ATG16L2: variants seen among roughly 807,000 people sequenced by gnomAD.
ATG16L2 encodes the protein protein Atg16l2.
A neutral mutation model predicts 84.7 loss-of-function variants in ATG16L2; 77 were observed. The observed-to-expected ratio is 0.91, with a 90% CI of 0.76 to 1.10. The LOEUF is 1.10. Among genes scored for constraint, ATG16L2 ranks in the 50% least tolerant of loss-of-function variants. The pLI is 0.00. For synonymous variants in ATG16L2, 361 were observed against 342.8 expected (o/e 1.05, Z -0.59); for missense variants, 782 against 817.6 (o/e 0.96, Z 0.53).
rs1438304974 is a variant in ATG16L2, at chr11:72,829,573, CT to C, written c.*186del. On this transcript the variant is annotated 3_prime_UTR_variant, in exon 18 of 18. Coordinates refer to ENST00000321297, the MANE Select transcript of ATG16L2 (RefSeq NM_033388.2). Reference sequence around the variant, plus strand: ...GGGTTGGGGGATTACGCTAGTTTTTCTTTGTATTTTTATCTCTATCTCCTCA... The same window carrying C: ...GGGTTGGGGGATTACGCTAGTTTTTCTTGTATTTTTATCTCTATCTCCTCA... The C allele has an allele frequency of 7.4e-7, 1 of 1,353,910 alleles. No homozygotes were observed. Among genetic ancestry groups the C allele is most frequent in the Admixed American group, 3.5e-5 (1 of 28,744 alleles). 83.9% of individuals were successfully genotyped at this position (1,353,910 alleles called of 1,614,324 possible). A position where few individuals can be genotyped will look rare whatever the true frequency, so the allele number is the denominator to read the frequency against.
In ATG16L2 at chr11:72,822,924, G is replaced by C. The variant is rs966158011; in HGVS notation, c.787G>C (p.Glu263Gln). The part of the protein sequence containing the change: ...LALAPEPEPL[E>Q]KEACEKWKRP... ...TCTGGCCCCTGAGCCAGAGCCCCTG[G>C]AGAAGGAAGCTTGTGAGAAGTGGAA... The change falls in exon 7 of 18, where the codon GAG becomes CAG. Residue 263 changes from glutamate to glutamine, a missense_variant. Glu to Gln is a conservative substitution (Grantham distance 29). Coordinates refer to ENST00000321297, the MANE Select transcript of ATG16L2 (RefSeq NM_033388.2). This position sits in a 1 kb window ranked among gnomAD's most constrained non-coding sequence, Gnocchi z 4.2. 4 of 1,578,774 alleles carry C rather than the reference G, an allele frequency of 2.5e-6. No homozygotes were observed. The highest frequency in any genetic ancestry group is 3.4e-6 in the Non-Finnish European group (4 of 1,161,894).
intron 7 of ATG16L2, chr11:72,823,531 C>T (rs923100059): frequency 1.3e-5 from 5 of 395,108 alleles, no homozygotes; most frequent in African/African-American, 2.1e-5. Context: ...CCCAGCCTAA[C>T]ACCTCTTCTC....
At chr11:72,839,474 C>T (rs1290073844) in intron 5 of ATG16L2, among the ~76,000 whole-genome samples, 1 of 152,094 alleles carries the variant, frequency 6.6e-6, no homozygotes, top group Non-Finnish European at 1.5e-5. Flanking sequence ...TTTTGTAATC[C>T]TCTGAATGAG....
chr11:72,825,697 G>C (rs117202859), intron 10 of ATG16L2, among the ~76,000 whole-genome samples: 1 of 152,200 alleles, frequency 6.6e-6, no homozygotes, highest in East Asian at 1.9e-4. Context: ...GTCCTACAGG[G>C]ACAGGCCCTT....
chr11:72,843,307 C>G, exon 6 of ATG16L2: 4 of 1,613,850 alleles, frequency 2.5e-6, no homozygotes, highest in Non-Finnish European at 3.4e-6. Flanking sequence ...ACATAACCCA[C>G]TTGGCCAACT....
downstream of ATG16L2, among the ~76,000 whole-genome samples, chr11:72,832,189 G>T (rs944211335): frequency 6.6e-6 from 1 of 152,222 alleles, no homozygotes; most frequent in African/African-American, 2.4e-5. Context: ...AGACTGCTTA[G>T]AGAGCCCAGA....
downstream of ATG16L2, among the ~76,000 whole-genome samples, chr11:72,831,808 C>T (rs1398192958): frequency 2.0e-5 from 3 of 152,232 alleles, no homozygotes; most frequent in African/African-American, 7.2e-5. Flanking sequence ...TGCCATGTAG[C>T]TACCATGTTT....
chr11:72,833,096 A>T (rs1860641775), downstream of ATG16L2, among the ~76,000 whole-genome samples: 1 of 152,212 alleles, frequency 6.6e-6, no homozygotes, highest in African/African-American at 2.4e-5. Flanking sequence ...CCCCTTGGTC[A>T]TCTCTCAGTC....
downstream of ATG16L2, among the ~76,000 whole-genome samples, chr11:72,831,939 C>T (rs1472218643): frequency 1.3e-5 from 2 of 152,232 alleles, no homozygotes; most frequent in Non-Finnish European, 2.9e-5. Context: ...GGCATGCCCC[C>T]TCCCCCAGGG....
rs777038938 is a variant in ATG16L2, at chr11:72,822,052, C to G, written c.401C>G (p.Ala134Gly). Residue 134 changes from alanine (A) to glycine (G), a missense_variant, in exon 5 of 18, where the codon GCC (alanine) becomes GGC (glycine). Physicochemically the swap from Ala to Gly is moderately conservative, Grantham distance 60. Coordinates refer to ENST00000321297, the MANE Select transcript of ATG16L2 (RefSeq NM_033388.2). The surrounding 1 kb of genome is among the most constrained non-coding windows in gnomAD (Gnocchi z 4.2). Reference sequence around the variant, plus strand: ...CTCTTTCCGTCCTCCAGGCTGGCAGCCCTGGAGGCCCGCGTGGCGCAGCTG... The same window carrying G: ...CTCTTTCCGTCCTCCAGGCTGGCAGGCCTGGAGGCCCGCGTGGCGCAGCTG... ...ELQQRQSRLAALEARVAQLRE... is the reference protein window; with the variant it reads ...ELQQRQSRLAGLEARVAQLRE... 1 of 1,506,824 alleles carries G rather than the reference C, an allele frequency of 6.6e-7. No homozygotes were observed. The highest frequency in any genetic ancestry group is 8.7e-7 in the Non-Finnish European group (1 of 1,144,266). The allele number at this position is 1,506,824 out of a possible 1,614,324, so 93.3% of individuals were successfully genotyped here.
At chr11:72,820,531 T>C (rs1222258598) in intron 3 of ATG16L2, among the ~76,000 whole-genome samples, 1 of 152,182 alleles carries the variant, frequency 6.6e-6, no homozygotes, top group Non-Finnish European at 1.5e-5. Context: ...GGTGATCAGA[T>C]TGCTCAGTGG....
At chr11:72,824,342 C>A in intron 8 of ATG16L2, 1 of 605,016 alleles carries the variant, frequency 1.7e-6, no homozygotes, top group Admixed American at 2.9e-5. Context: ...CTGTCTTCAT[C>A]CAAGGTCGTC....
intron 7 of ATG16L2, chr11:72,823,528 T>A (rs1220655639): frequency 2.5e-6 from 1 of 393,628 alleles, no homozygotes; most frequent in Non-Finnish European, 5.0e-6. Context: ...TTCCCCAGCC[T>A]AACACCTCTT....
rs760470731 is a variant in ATG16L2, at chr11:72,821,653, C to T, written c.319-15C>T. On this transcript the variant is annotated splice_polypyrimidine_tract_variant and intron_variant, in intron 3 of 17. Transcript: ENST00000321297. ...AGGGGCCTCAGCGCCGCCGTGCCCA[C>T]CTGTCCGCCCCCAGATGGCCTACCA... 31 of 1,531,868 alleles carry T rather than the reference C, an allele frequency of 2.0e-5. No homozygotes were observed. In the Middle Eastern group the frequency reaches 1.2e-3, roughly 58 times the overall value. The allele number at this position is 1,531,868 out of a possible 1,614,324, so 94.9% of individuals were successfully genotyped here.
intron 3 of ATG16L2, 143 bp downstream of exon 3, chr11:72,817,998 A>G: frequency 2.6e-6 from 2 of 765,782 alleles, no homozygotes; most frequent in Non-Finnish European, 4.1e-6. Flanking sequence ...CCAGGCCCTG[A>G]CCTGAAGCTG....
At chr11:72,838,256 G>C (rs1182952289) in intron 5 of ATG16L2, 1 of 153,414 alleles carries the variant, frequency 6.5e-6, no homozygotes, top group Non-Finnish European at 1.5e-5. Context: ...TTCCCAATAA[G>C]GTTTCACTTT....
chr11:72,817,235 G>T (rs1859748628), intron 2 of ATG16L2, among the ~76,000 whole-genome samples: 2 of 151,994 alleles, frequency 1.3e-5, no homozygotes, highest in African/African-American at 4.8e-5. Context: ...GTTGGGAGGT[G>T]CTTTGCTTTT....
At chr11:72,840,906 G>A in intron 5 of ATG16L2, 5 of 1,613,182 alleles carry the variant, frequency 3.1e-6, no homozygotes, top group Non-Finnish European at 4.2e-6. Flanking sequence ...GAGGTCTCAG[G>A]AGTATGCCTT....
exon 6 of ATG16L2, chr11:72,843,344 G>A (rs753071328): frequency 1.2e-6 from 2 of 1,606,142 alleles, no homozygotes; most frequent in African/African-American, 2.7e-5. Context: ...TAAAAGACAT[G>A]TGACAAAACA....
Sources: gnomAD v4.1 joint callset for allele counts (sites outside exome capture counted in the v4.1 genomes callset) on GRCh38, gnomAD v4.1.1 for gene constraint, Gnocchi (gnomAD v3.1) non-coding constraint, MANE v1.5 for transcripts, NCBI Gene and HGNC (gene_info 2026-07-23, HGNC 2026-07-21) for gene names.